Variants in ABTB3 observed in about 807,000 individuals in gnomAD.
ABTB3 encodes the protein ankyrin repeat- and BTB/POZ domain-containing protein 3.
the ABTB3 span, among the ~76,000 whole-genome samples, chr12:107,506,496 T>C: frequency 6.6e-6 from 1 of 151,708 alleles, no homozygotes; most frequent in East Asian, 1.9e-4. Context: ...ACTAGGCAAA[T>C]GATATACAAA....
the ABTB3 span, among the ~76,000 whole-genome samples, chr12:107,455,321 G>A: frequency 6.6e-6 from 1 of 152,110 alleles, no homozygotes; most frequent in African/African-American, 2.4e-5. Flanking sequence ...GCCCAAAGGG[G>A]GTTCAGGTCC....
chr12:107,413,507 G>A, the ABTB3 span, among the ~76,000 whole-genome samples: 1 of 152,120 alleles, frequency 6.6e-6, no homozygotes, highest in African/African-American at 2.4e-5. Context: ...GCGAAGGGGA[G>A]CATTTGTGTG....
At chr12:107,329,904 T>C in the ABTB3 span, among the ~76,000 whole-genome samples, 1 of 152,214 alleles carries the variant, frequency 6.6e-6, no homozygotes, top group Non-Finnish European at 1.5e-5. Flanking sequence ...TATGCAGATG[T>C]AAATTTACAA....
chr12:107,341,494 A>G, the ABTB3 span, among the ~76,000 whole-genome samples: 1 of 152,180 alleles, frequency 6.6e-6, no homozygotes, highest in African/African-American at 2.4e-5. Flanking sequence ...TCAGCTGTTA[A>G]GTGAGGGAGG....
the ABTB3 span, among the ~76,000 whole-genome samples, chr12:107,362,742 A>G: frequency 2.0e-5 from 3 of 152,020 alleles, no homozygotes; most frequent in East Asian, 5.8e-4. Context: ...GCAGTGAACT[A>G]TGATCATGCC....
chr12:107,521,310 G>T, the ABTB3 span, among the ~76,000 whole-genome samples: 2 of 142,464 alleles, frequency 1.4e-5, no homozygotes, highest in Non-Finnish European at 3.1e-5. Context: ...TGTGTATAAG[G>T]TTACCATGGC....
At chr12:107,394,350 T>G in the ABTB3 span, among the ~76,000 whole-genome samples, 1 of 152,156 alleles carries the variant, frequency 6.6e-6, no homozygotes, top group Admixed American at 6.5e-5. Context: ...GGAAGGTTTG[T>G]TTCCCTTTAG....
the ABTB3 span, among the ~76,000 whole-genome samples, chr12:107,540,138 A>G: frequency 6.6e-6 from 1 of 152,280 alleles, no homozygotes; most frequent in East Asian, 1.9e-4. Context: ...TAAAGAACAG[A>G]AATGTATTTT....
the ABTB3 span, among the ~76,000 whole-genome samples, chr12:107,454,031 G>T: frequency 1.3e-5 from 2 of 152,234 alleles, no homozygotes; most frequent in Non-Finnish European, 2.9e-5. Context: ...AATGCAGCTG[G>T]GGTCTGCAAA....
the ABTB3 span, among the ~76,000 whole-genome samples, chr12:107,413,818 A>G: frequency 3.7e-3 from 562 of 152,316 alleles, 3 homozygotes; most frequent in Non-Finnish European, 6.7e-3. Context: ...AATCATTTGT[A>G]AAACTCCCCA....
the ABTB3 span, among the ~76,000 whole-genome samples, chr12:107,433,354 G>C: frequency 3.3e-5 from 5 of 151,262 alleles, no homozygotes; most frequent in Admixed American, 6.6e-5. Flanking sequence ...GGAGGCAAGG[G>C]GGTTTGTTGG....
At chr12:107,481,883 GTCTCTCTCTCTCTCTCTCTCTCTCTC>G in the ABTB3 span, among the ~76,000 whole-genome samples, 10 of 108,320 alleles carry the variant, frequency 9.2e-5, no homozygotes, top group African/African-American at 3.3e-4. Flanking sequence ...GAAATCAAGA[GTCTCTCTCTCTCTCTCTCTCTCTCTC>G]TCTCTCTCTC....
At chr12:107,373,870 G>C in the ABTB3 span, among the ~76,000 whole-genome samples, 49,539 of 152,106 alleles carry the variant, frequency 0.33, 9,173 homozygotes, top group African/African-American at 0.51. Context: ...AAATACTTGT[G>C]GGGGAACTGA....
At chr12:107,518,431 T>G in the ABTB3 span, among the ~76,000 whole-genome samples, 2 of 152,178 alleles carry the variant, frequency 1.3e-5, no homozygotes, top group African/African-American at 2.4e-5. Context: ...CCATAAAAAA[T>G]GATGAGTTCA....
chr12:107,511,128 G>A, the ABTB3 span, among the ~76,000 whole-genome samples: 15 of 151,986 alleles, frequency 9.9e-5, no homozygotes, highest in East Asian at 3.9e-4. Context: ...TGCCATCCCC[G>A]CCTTCCTACA....
At chr12:107,397,897 G>A in the ABTB3 span, among the ~76,000 whole-genome samples, 19 of 152,120 alleles carry the variant, frequency 1.2e-4, no homozygotes, top group Non-Finnish European at 2.2e-4. Flanking sequence ...CGGCACCTCC[G>A]TTCTGTGCTG....
chr12:107,549,120 G>A, the ABTB3 span, among the ~76,000 whole-genome samples: 2 of 152,162 alleles, frequency 1.3e-5, no homozygotes, highest in African/African-American at 4.8e-5. Flanking sequence ...TGTCTGCCAG[G>A]GGAATCTCAA....
At chr12:107,422,149 G>C in the ABTB3 span, among the ~76,000 whole-genome samples, 22 of 152,204 alleles carry the variant, frequency 1.4e-4, no homozygotes, top group African/African-American at 5.3e-4. Flanking sequence ...TGAGCAAAGA[G>C]AGGGATCCAG....
chr12:107,528,972 G>A, the ABTB3 span, among the ~76,000 whole-genome samples: 1 of 151,904 alleles, frequency 6.6e-6, no homozygotes, highest in Non-Finnish European at 1.5e-5. Context: ...TGGTGACAGA[G>A]ATGATTTTGG....
Sources: allele counts gnomAD v4.1 joint callset (sites outside exome capture counted in the v4.1 genomes callset), GRCh38; gene constraint gnomAD v4.1.1; transcripts MANE v1.5; gene names NCBI Gene and HGNC (gene_info 2026-07-23, HGNC 2026-07-21).